DEAF1: variants seen among roughly 807,000 people sequenced by gnomAD.
DEAF1 encodes DEAF1 transcription factor, also known as deformed epidermal autoregulatory factor 1 homolog.
Under a neutral mutation model 58.9 loss-of-function variants are expected in DEAF1, and 53 were observed. The ratio of observed to expected loss-of-function variants is 0.90; its 90% CI spans 0.72 to 1.13. The LOEUF (loss-of-function observed/expected upper bound fraction) is 1.13, where lower values mean the gene tolerates loss of function less well. DEAF1 is among the 50% of genes most tolerant of loss of function. The pLI, the probability that DEAF1 is intolerant of heterozygous loss-of-function variation, is 0.00. For missense variants in DEAF1, 685 were observed against 791.4 expected (o/e 0.87, Z 1.61); for synonymous variants, 385 against 340.4 (o/e 1.13, Z -1.44).
intron 8 of DEAF1, 85 bp from the exon 9 acceptor site, chr11:678,907 T>A: frequency 6.4e-7 from 1 of 1,566,804 alleles, no homozygotes; most frequent in Non-Finnish European, 8.7e-7. Flanking sequence ...GCTGCGCCAT[T>A]CAGTACACAT....
At chr11:664,386 C>T (rs147330393) in intron 10 of DEAF1, among the ~76,000 whole-genome samples, 1 of 152,308 alleles carries the variant, frequency 6.6e-6, no homozygotes, top group East Asian at 1.9e-4. Context: ...AACGGTATCA[C>T]ATTCGGAGCC....
At chr11:691,415 G>C (rs544636887) in intron 2 of DEAF1, 86 bp downstream of exon 2, 34 of 1,267,978 alleles carry the variant, frequency 2.7e-5, no homozygotes, top group South Asian at 9.8e-5. Context: ...CACACAGCGG[G>C]CTGAACCCCG....
At chr11:704,190 C>T in intron 1 of DEAF1, 1 of 1,047,058 alleles carries the variant, frequency 9.6e-7, no homozygotes, top group Non-Finnish European at 1.2e-6. Flanking sequence ...TGCAAGAGAG[C>T]ACACCCCACT....
At position 674,609 on chromosome 11, in the gene DEAF1, G is replaced by A. The variant is rs993178250; in HGVS notation, c.1430C>T (p.Ala477Val). The A allele has an allele frequency of 1.9e-6, 3 of 1,614,034 alleles. No individual in the cohort carries two copies. In the African/African-American group the frequency reaches 4.0e-5, roughly 22 times the overall value. The change falls in exon 10 of 12, where the codon GCC becomes GTC. Residue 477 changes from alanine (A) to valine (V), a missense_variant. By Grantham distance (64) the Ala-to-Val change is moderately conservative. This residue lies in a region of DEAF1 where 343 missense variants were observed against 379.8 expected (regional missense o/e 0.90). Transcript: ENST00000382409. ...AQQLKTLFEQAKHASTYREAA... is the reference protein window; with the variant it reads ...AQQLKTLFEQVKHASTYREAA... ...TTCTCGGTAGGTGCTGGCATGCTTG[G>A]CTTGCTCAAACAGCGTCTTCAGCTG... is the stretch of plus-strand genomic sequence containing the variant.
chr11:654,131 G>C (rs974250548), intron 10 of DEAF1, 80 bp from the exon 11 acceptor site: 3 of 1,170,370 alleles, frequency 2.6e-6, no homozygotes, highest in African/African-American at 1.5e-5. Context: ...GGCAGGTGCA[G>C]GCAGGAGGCC....
intron 11 of DEAF1, among the ~76,000 whole-genome samples, chr11:649,506 G>T (rs12292472): frequency 0.016 from 2,358 of 151,776 alleles, 53 homozygotes; most frequent in African/African-American, 0.054. Flanking sequence ...GATCACTTGA[G>T]GTCAGGAGCT....
chr11:702,880 C>G, intron 1 of DEAF1: 1 of 1,482,870 alleles, frequency 6.7e-7, no homozygotes, highest in Non-Finnish European at 9.2e-7. Flanking sequence ...CTCCAGGCAC[C>G]TGTGGGCGGT....
At chr11:691,959 A>G (rs1860854745) in intron 1 of DEAF1, among the ~76,000 whole-genome samples, 2 of 152,054 alleles carry the variant, frequency 1.3e-5, no homozygotes, top group South Asian at 2.1e-4. Flanking sequence ...GGTGTGCCCT[A>G]TGCCTACGAG....
chr11:683,622 C>T (rs1049648312), intron 6 of DEAF1, among the ~76,000 whole-genome samples: 1 of 150,914 alleles, frequency 6.6e-6, no homozygotes, highest in Non-Finnish European at 1.5e-5. Context: ...CTTTACCTTT[C>T]TATGCAAATT....
chr11:661,893 CA>C (rs1413537089), intron 10 of DEAF1, among the ~76,000 whole-genome samples: 1 of 152,224 alleles, frequency 6.6e-6, no homozygotes, highest in Non-Finnish European at 1.5e-5. Flanking sequence ...GCACTAATTA[CA>C]AATAACAATT....
chr11:704,325 G>C (rs1040340461), intron 1 of DEAF1: 2 of 781,866 alleles, frequency 2.6e-6, no homozygotes, highest in African/African-American at 1.8e-5. Context: ...GGGCTCCCTC[G>C]GCTGGGGTGG....
intron 10 of DEAF1, among the ~76,000 whole-genome samples, chr11:673,355 C>T (rs1237750235): frequency 2.6e-5 from 4 of 151,790 alleles, no homozygotes; most frequent in South Asian, 2.1e-4. Context: ...GGTAAAACCC[C>T]GTCTCTACCA....
chr11:695,412 C>A, upstream of DEAF1: 1 of 426,308 alleles, frequency 2.3e-6, no homozygotes, highest in Non-Finnish European at 4.0e-6. Context: ...GCTCTCCTCA[C>A]TGTCCTGACA....
upstream of DEAF1, chr11:695,887 C>T (rs1469837756): frequency 4.1e-6 from 5 of 1,217,526 alleles, no homozygotes; most frequent in East Asian, 3.2e-5. Context: ...CTTGCAGCGG[C>T]GGGCGCGGCG....
At position 686,861 on chromosome 11, in the gene DEAF1, G is replaced by A. The variant is rs1017074554; in HGVS notation, c.801C>T (p.Ile267=). 13 of 1,614,048 alleles carry A rather than the reference G, an allele frequency of 8.1e-6. No individual in the cohort carries two copies. In the East Asian group the frequency reaches 2.9e-4, roughly 36 times the overall value. Residue 267 remains isoleucine, a synonymous_variant, in exon 5 of 12, where the codon ATC becomes ATT. Coordinates refer to ENST00000382409, the MANE Select transcript of DEAF1 (RefSeq NM_021008.4). The part of the protein sequence containing the change: ...RYAGRPLQCL[I]QDGILNPHAA... ...CAGGTGAGGTCACGGACGATACCTG[G>A]ATGAGGCACTGCAAGGGTCGGCCCG...
upstream of DEAF1, chr11:695,519 A>C (rs1221725177): frequency 3.0e-6 from 3 of 998,476 alleles, no homozygotes; most frequent in East Asian, 6.6e-5. Context: ...GAGAGAGCTT[A>C]GTGCCGCGGG....
At chr11:701,652 G>A (rs541207954) in intron 1 of DEAF1, among the ~76,000 whole-genome samples, 17 of 151,750 alleles carry the variant, frequency 1.1e-4, no homozygotes, top group African/African-American at 3.9e-4. Flanking sequence ...CTCCTGATCC[G>A]CCCACCTCGG....
rs745622826 is a variant in DEAF1 at position 694,958 on chromosome 11, CGCGGCCGCCGCCGCCACAGCGGCCGCG to C, written c.63_89del (p.Val25_Ala33del). On this transcript the variant is annotated inframe_deletion, in exon 1 of 12. Coordinates refer to ENST00000382409, the MANE Select transcript of DEAF1 (RefSeq NM_021008.4). ...CCTCCGCCTCGCCTCCTGCCGCGGC[CGCGGCCGCCGCCGCCACAGCGGCCGCG>C]GCCGCCACCGCCGCCGCCTCAGCCA... 8.0e-5 allele frequency: 94 copies of C among 1,168,836 alleles called. 14 individuals carry two copies. Among genetic ancestry groups the C allele is most frequent in the South Asian group, 3.9e-4 (12 of 30,790 alleles). 72.4% of individuals were successfully genotyped at this position (1,168,836 alleles called of 1,614,324 possible). A position where few individuals can be genotyped will look rare whatever the true frequency, so the allele number is the denominator to read the frequency against.
intron 11 of DEAF1, among the ~76,000 whole-genome samples, chr11:652,300 C>T (rs1343284753): frequency 6.6e-6 from 1 of 152,182 alleles, no homozygotes; most frequent in African/African-American, 2.4e-5. Context: ...AAAAAAATCA[C>T]ACGGCAAATA....
Sources: gnomAD v4.1 joint callset for allele counts (sites outside exome capture counted in the v4.1 genomes callset) on GRCh38, gnomAD v4.1.1 for gene constraint, gnomAD v4.1.1 regional missense constraint, MANE v1.5 for transcripts, NCBI Gene and HGNC (gene_info 2026-07-23, HGNC 2026-07-21) for gene names.